The following RNGTT variants were observed in gnomAD, a reference collection of about 807,000 sequenced individuals.
RNGTT encodes the protein RNA guanylyltransferase and 5'-phosphatase, also known as mRNA-capping enzyme.
RNGTT carries 33 observed loss-of-function variants against 79.3 expected under a neutral mutation model. That is an observed-to-expected ratio of 0.42 (90% CI 0.32 to 0.56). The LOEUF is 0.56. Ranked by LOEUF, RNGTT falls within the 20% of genes least tolerant of loss-of-function variation. The pLI, the probability that RNGTT is intolerant of heterozygous loss-of-function variation, is 0.17. For missense variants in RNGTT, 497 were observed against 739.1 expected (o/e 0.67, Z 3.80); for synonymous variants, 222 against 235.9 (o/e 0.94, Z 0.54).
chr6:88,742,484 T>C (rs575522954), intron 13 of RNGTT, among the ~76,000 whole-genome samples: 9 of 152,222 alleles, frequency 5.9e-5, no homozygotes, highest in Non-Finnish European at 7.3e-5. Flanking sequence ...TTTTAAATCA[T>C]TGCCATCAAT....
At chr6:88,727,673 T>A (rs1776965800) in intron 13 of RNGTT, among the ~76,000 whole-genome samples, 1 of 152,172 alleles carries the variant, frequency 6.6e-6, no homozygotes, top group South Asian at 2.1e-4. Context: ...GGAAGCATTG[T>A]CAAATATAAA....
chr6:88,898,042 T>C (rs886165861), intron 6 of RNGTT, among the ~76,000 whole-genome samples: 4 of 152,166 alleles, frequency 2.6e-5, no homozygotes, highest in African/African-American at 9.7e-5. Context: ...GATTGAGCTG[T>C]ATATCCTTAG....
At chr6:88,887,047 TAAAAAAA>T (rs754717516) in intron 8 of RNGTT, among the ~76,000 whole-genome samples, 2 of 83,458 alleles carry the variant, frequency 2.4e-5, no homozygotes, top group East Asian at 4.0e-4. Context: ...ACAATTTCTT[TAAAAAAA>T]AAAAAAAAAA....
At chr6:88,755,820 G>C (rs922595193) in intron 13 of RNGTT, among the ~76,000 whole-genome samples, 5 of 151,778 alleles carry the variant, frequency 3.3e-5, no homozygotes, top group African/African-American at 9.7e-5. Flanking sequence ...AATTAGCCAG[G>C]CATGGTGGCG....
At chr6:88,789,579 G>GAT (rs1302938393) in intron 12 of RNGTT, among the ~76,000 whole-genome samples, 1 of 152,124 alleles carries the variant, frequency 6.6e-6, no homozygotes, top group Non-Finnish European at 1.5e-5. Flanking sequence ...GATATCTATA[G>GAT]ATATATCTTC....
intron 4 of RNGTT, among the ~76,000 whole-genome samples, chr6:88,914,398 C>T (rs1783930644): frequency 6.6e-6 from 1 of 152,016 alleles, no homozygotes; most frequent in Non-Finnish European, 1.5e-5. Context: ...GCTAATAAGG[C>T]TACAGTAACC....
chr6:88,897,386 T>A (rs1017386697), intron 6 of RNGTT, among the ~76,000 whole-genome samples: 6 of 152,176 alleles, frequency 3.9e-5, no homozygotes, highest in Non-Finnish European at 7.3e-5. Flanking sequence ...TTCCCTCCTA[T>A]TGCTGAAGAC....
chr6:88,768,266 T>C (rs952794378), intron 13 of RNGTT, among the ~76,000 whole-genome samples: 1 of 151,666 alleles, frequency 6.6e-6, no homozygotes, highest in Non-Finnish European at 1.5e-5. Context: ...TGCACCACCA[T>C]ACCCGGCTAA....
intron 12 of RNGTT, among the ~76,000 whole-genome samples, chr6:88,775,454 C>T (rs1266958456): frequency 6.6e-6 from 1 of 152,110 alleles, no homozygotes; most frequent in Non-Finnish European, 1.5e-5. Context: ...CTAGTTTCAA[C>T]AAAACAAATC....
At chr6:88,931,790 T>C (rs1175329446) in intron 2 of RNGTT, among the ~76,000 whole-genome samples, 1 of 152,104 alleles carries the variant, frequency 6.6e-6, no homozygotes, top group African/African-American at 2.4e-5. Flanking sequence ...CAGAAGAATA[T>C]AAATTGTAAA....
rs200716029 is a variant in RNGTT, at chr6:88,723,317, GAAC to G, written c.1440-44901_1440-44899del. Among the ~76,000 whole-genome samples, 1,212 of 152,294 alleles carry G rather than the reference GAAC, an allele frequency of 8.0e-3. 6 individuals carry two copies. The highest frequency in any genetic ancestry group is 0.014 in the Middle Eastern group (4 of 294). On this transcript the variant is annotated intron_variant, in intron 13 of 15. Transcript: ENST00000369485. The stretch of plus-strand genomic sequence containing the variant: ...TGAGGAAGGAGCCCCAGGTAGGAAA[GAAC>G]AACGAACAATTCTTCTGACAGATGG...
intron 14 of RNGTT, among the ~76,000 whole-genome samples, chr6:88,623,760 C>T (rs9451036): frequency 2.0e-5 from 3 of 151,798 alleles, no homozygotes; most frequent in Non-Finnish European, 2.9e-5. Flanking sequence ...AAAGACCTAC[C>T]GGTTGAAAAG....
At chr6:88,720,225 G>C (rs1392275653) in intron 13 of RNGTT, among the ~76,000 whole-genome samples, 2 of 151,960 alleles carry the variant, frequency 1.3e-5, no homozygotes, top group Admixed American at 6.6e-5. Flanking sequence ...TAAAGACTTT[G>C]GGCATTATCA....
At chr6:88,843,548 C>CTTCTT (rs1437292319) in intron 11 of RNGTT, among the ~76,000 whole-genome samples, 101 of 66,670 alleles carry the variant, frequency 1.5e-3, no homozygotes, top group African/African-American at 5.9e-3. Context: ...TAGTATGATT[C>CTTCTT]TTTTTTTTTT....
chr6:88,834,990 T>A (rs1343767960), intron 11 of RNGTT, among the ~76,000 whole-genome samples: 2 of 152,190 alleles, frequency 1.3e-5, no homozygotes, highest in African/African-American at 2.4e-5. Flanking sequence ...GTCTATTTAA[T>A]ACTCTCAACA....
Position 88,917,226 on chromosome 6 carries a change from C to A in RNGTT, c.368-10786G>T, listed in dbSNP as rs143195819. Among the ~76,000 whole-genome samples, 110 of 152,290 alleles carry A rather than the reference C, an allele frequency of 7.2e-4. 2 individuals carry two copies. In the East Asian group the frequency reaches 0.018, roughly 24 times the overall value. On this transcript the variant is annotated intron_variant, in intron 4 of 15. Coordinates refer to ENST00000369485, the MANE Select transcript of RNGTT (RefSeq NM_003800.5). Reference sequence around the variant, plus strand: ...TTAAAATTTTTTTGAAAACAACTATCAATTGAGCCAAATCACCAATTTCTA... The same window carrying A: ...TTAAAATTTTTTTGAAAACAACTATAAATTGAGCCAAATCACCAATTTCTA...
chr6:88,824,992 C>T (rs1780611596), intron 11 of RNGTT, among the ~76,000 whole-genome samples: 2 of 152,096 alleles, frequency 1.3e-5, no homozygotes, highest in South Asian at 4.1e-4. Context: ...ATCCTCCCAC[C>T]TCGGCCTCCC....
intron 13 of RNGTT, among the ~76,000 whole-genome samples, chr6:88,730,405 G>A (rs1777068731): frequency 1.3e-5 from 2 of 152,178 alleles, no homozygotes; most frequent in Non-Finnish European, 2.9e-5. Context: ...AGCAGCAGGG[G>A]CCACATGAGT....
In RNGTT at chr6:88,741,219, G is replaced by A. The variant is rs191469664; in HGVS notation, c.1439+28555C>T. Among the ~76,000 whole-genome samples the A allele has an allele frequency of 1.8e-3, 281 of 152,126 alleles. 3 individuals carry two copies. Among genetic ancestry groups the A allele is most frequent in the African/African-American group, 6.6e-3 (273 of 41,490 alleles). On this transcript the variant is annotated intron_variant, in intron 13 of 15. Transcript: ENST00000369485. ...ATAGGTGCCCATCAACAGTGGATTC[G>A]ATAAAGAAAATGTGGTACACATACA...
Sources: allele counts gnomAD v4.1 joint callset (sites outside exome capture counted in the v4.1 genomes callset), GRCh38; gene constraint gnomAD v4.1.1; transcripts MANE v1.5; gene names NCBI Gene and HGNC (gene_info 2026-07-23, HGNC 2026-07-21).